Variants in LPP observed in about 807,000 individuals in gnomAD.
LPP encodes the protein LIM domain containing preferred translocation partner in lipoma, also known as lipoma-preferred partner.
Under a neutral mutation model 60.4 loss-of-function variants are expected in LPP, and 38 were observed. That is an observed-to-expected ratio of 0.63 (90% CI 0.49 to 0.83). The LOEUF is 0.83. Among genes scored for constraint, LPP ranks in the 40% least tolerant of loss-of-function variants. LPP has a pLI of 0.00. For synonymous variants in LPP, 328 were observed against 290.8 expected (o/e 1.13, Z -1.30); for missense variants, 902 against 783.6 (o/e 1.15, Z -1.80).
At chr3:188,647,167 G>T (rs1851250736) in intron 7 of LPP, among the ~76,000 whole-genome samples, 1 of 152,184 alleles carries the variant, frequency 6.6e-6, no homozygotes, top group South Asian at 2.1e-4. Context: ...GCAGAAGAGG[G>T]TGGAGGTGAA....
intron 1 of LPP, among the ~76,000 whole-genome samples, chr3:188,210,895 G>A (rs1345211374): frequency 3.3e-5 from 5 of 152,048 alleles, no homozygotes; most frequent in Admixed American, 3.3e-4. Context: ...ACGCCCACCC[G>A]CTGAGGAGGG....
At chr3:188,168,894 G>A (rs1720772031) in intron 1 of LPP, among the ~76,000 whole-genome samples, 1 of 152,122 alleles carries the variant, frequency 6.6e-6, no homozygotes, top group African/African-American at 2.4e-5. Flanking sequence ...TTAACATTCA[G>A]CAAACTATCT....
intron 3 of LPP, among the ~76,000 whole-genome samples, chr3:188,367,527 A>T (rs1771574354): frequency 6.6e-6 from 1 of 152,226 alleles, no homozygotes; most frequent in Non-Finnish European, 1.5e-5. Flanking sequence ...TATAAATATG[A>T]TGTCGATAAA....
intron 8 of LPP, among the ~76,000 whole-genome samples, chr3:188,732,579 G>A (rs1334842413): frequency 1.3e-5 from 2 of 151,986 alleles, no homozygotes; most frequent in Non-Finnish European, 2.9e-5. Context: ...TTAGCTGGGC[G>A]TGGTGGTGGG....
At chr3:188,557,857 G>A (rs1829841649) in intron 6 of LPP, among the ~76,000 whole-genome samples, 1 of 152,074 alleles carries the variant, frequency 6.6e-6, no homozygotes, top group African/African-American at 2.4e-5. Flanking sequence ...AGACACAAGA[G>A]TTGAGAGGGC....
At position 188,732,942 on chromosome 3, in the gene LPP, T is replaced by C. The variant is rs780458940; in HGVS notation, c.1240+24549T>C. Among the ~76,000 whole-genome samples the C allele has an allele frequency of 6.6e-5, 10 of 151,992 alleles. No individual in the cohort carries two copies. In the South Asian group the frequency reaches 1.5e-3, roughly 22 times the overall value. On this transcript the variant is annotated intron_variant, in intron 8 of 11. Coordinates refer to ENST00000617246, the MANE Select transcript of LPP (RefSeq NM_001375462.1). ...TGACTATTCATTCTGTCATCTCACC[T>C]TAGTGGTAATTTCTTCTGCTTGGAC... is the stretch of plus-strand genomic sequence containing the variant.
intron 9 of LPP, among the ~76,000 whole-genome samples, chr3:188,829,651 T>C (rs1756592357): frequency 6.6e-6 from 1 of 152,168 alleles, no homozygotes. Context: ...CAAGTATATG[T>C]GGCTAAAATT....
intron 9 of LPP, among the ~76,000 whole-genome samples, chr3:188,790,346 G>A (rs1456643952): frequency 6.6e-6 from 1 of 152,044 alleles, no homozygotes; most frequent in Non-Finnish European, 1.5e-5. Flanking sequence ...TGTGTGGTGT[G>A]TGCGTGTGTG....
chr3:188,358,990 A>C (rs141985114), intron 3 of LPP, among the ~76,000 whole-genome samples: 5 of 152,260 alleles, frequency 3.3e-5, no homozygotes, highest in Admixed American at 6.5e-5. Flanking sequence ...AAGTCCCGTG[A>C]GACAGCAATC....
In LPP at chr3:188,875,932, C is replaced by T. The variant is rs755892304; in HGVS notation, c.*1453C>T. ...AGATTTCTTAAATCTTTCTTCAAAT[C>T]TCCCACAAGTATATACTTTTAAATT... On this transcript the variant is annotated 3_prime_UTR_variant, in exon 12 of 12. Coordinates refer to ENST00000617246, the MANE Select transcript of LPP (RefSeq NM_001375462.1). 1.2e-4 allele frequency: 23 copies of T among 184,572 alleles called. No homozygotes were observed. Among genetic ancestry groups the T allele is most frequent in the Non-Finnish European group, 2.5e-4 (22 of 86,898 alleles). The allele number at this position is 184,572 out of a possible 1,614,324, so 11.4% of individuals were successfully genotyped here.
intron 6 of LPP, among the ~76,000 whole-genome samples, chr3:188,592,638 G>A (rs1012772875): frequency 1.3e-5 from 2 of 148,540 alleles, no homozygotes; most frequent in Non-Finnish European, 3.0e-5. Context: ...TCCACCTCTC[G>A]GGTTCAAGCA....
intron 5 of LPP, among the ~76,000 whole-genome samples, chr3:188,494,521 C>A (rs190494896): frequency 6.6e-6 from 1 of 152,244 alleles, no homozygotes; most frequent in East Asian, 1.9e-4. Context: ...ATACCCCTAA[C>A]GTCCATTCTA....
At chr3:188,429,134 T>A (rs1402767556) in intron 4 of LPP, among the ~76,000 whole-genome samples, 1 of 152,166 alleles carries the variant, frequency 6.6e-6, no homozygotes, top group Non-Finnish European at 1.5e-5. Context: ...ATATTGACAA[T>A]GTGTAACGTA....
intron 1 of LPP, among the ~76,000 whole-genome samples, chr3:188,199,935 G>T (rs1169004879): frequency 6.6e-6 from 1 of 151,732 alleles, no homozygotes. Context: ...GGCTGGTCTC[G>T]AACTCCTGAC....
intron 9 of LPP, among the ~76,000 whole-genome samples, chr3:188,782,394 A>G (rs1235352861): frequency 1.3e-5 from 2 of 152,182 alleles, no homozygotes; most frequent in African/African-American, 2.4e-5. Context: ...TACATTGTGA[A>G]AGGGATCAAG....
intron 3 of LPP, among the ~76,000 whole-genome samples, chr3:188,397,556 G>A (rs963473601): frequency 6.6e-6 from 1 of 151,812 alleles, no homozygotes; most frequent in Non-Finnish European, 1.5e-5. Context: ...TTCGAGTGCC[G>A]TTCTGAATCT....
At chr3:188,167,469 C>G (rs1720309819) in intron 1 of LPP, among the ~76,000 whole-genome samples, 1 of 151,356 alleles carries the variant, frequency 6.6e-6, no homozygotes, top group South Asian at 2.1e-4. Flanking sequence ...CCACTGTACT[C>G]TAGCCTGGGC....
At chr3:188,722,096 C>A (rs572654129) in intron 8 of LPP, among the ~76,000 whole-genome samples, 1 of 152,154 alleles carries the variant, frequency 6.6e-6, no homozygotes. Flanking sequence ...TCCTAGATCA[C>A]TTTATGCTCT....
At chr3:188,741,187 A>AT (rs1724275678) in intron 8 of LPP, among the ~76,000 whole-genome samples, 1 of 151,374 alleles carries the variant, frequency 6.6e-6, no homozygotes, top group Non-Finnish European at 1.5e-5. Flanking sequence ...AAAAAAAAAA[A>AT]GTAGACCCTT....
Sources: gnomAD v4.1 joint callset for allele counts (sites outside exome capture counted in the v4.1 genomes callset) on GRCh38, gnomAD v4.1.1 for gene constraint, MANE v1.5 for transcripts, NCBI Gene and HGNC (gene_info 2026-07-23, HGNC 2026-07-21) for gene names.